MAGI1: variants seen among roughly 807,000 people sequenced by gnomAD.
The protein encoded by MAGI1 is membrane associated guanylate kinase, WW and PDZ domain containing 1, also known as membrane-associated guanylate kinase, WW and PDZ domain-containing protein 1.
In MAGI1, 58 loss-of-function variants were observed where a neutral mutation model predicts 139.9. The ratio of observed to expected loss-of-function variants is 0.41; its 90% CI spans 0.34 to 0.52. MAGI1 has a LOEUF of 0.52. MAGI1 is among the 20% of genes least tolerant of loss of function. The pLI is 0.12. For missense variants in MAGI1, 1,874 were observed against 1,901.6 expected (o/e 0.99, Z 0.27); for synonymous variants, 812 against 737.9 (o/e 1.10, Z -1.63).
intron 2 of MAGI1, among the ~76,000 whole-genome samples, chr3:65,507,757 T>C (rs2077359166): frequency 6.6e-6 from 1 of 152,240 alleles, no homozygotes; most frequent in Admixed American, 6.5e-5. Context: ...AATTACATTC[T>C]CACATTATGT....
intron 7 of MAGI1, 82 bp downstream of exon 7, chr3:65,447,940 T>G (rs1948774632): frequency 6.9e-7 from 1 of 1,448,718 alleles, no homozygotes; most frequent in African/African-American, 1.4e-5. Context: ...GAAACAGGGA[T>G]TAAGCAATTC....
At chr3:65,836,815 A>G (rs912389910) in intron 1 of MAGI1, among the ~76,000 whole-genome samples, 2 of 152,136 alleles carry the variant, frequency 1.3e-5, no homozygotes, top group Non-Finnish European at 2.9e-5. Flanking sequence ...AGAGAGAGAC[A>G]GAGAGAAAGA....
chr3:65,567,372 GA>G (rs199892809), intron 2 of MAGI1, among the ~76,000 whole-genome samples: 21 of 148,402 alleles, frequency 1.4e-4, no homozygotes, highest in South Asian at 4.3e-4. Context: ...CACTGACCAT[GA>G]AAAAAAAAAT....
At chr3:65,621,580 G>A (rs1006856927) in intron 2 of MAGI1, among the ~76,000 whole-genome samples, 1 of 152,178 alleles carries the variant, frequency 6.6e-6, no homozygotes, top group African/African-American at 2.4e-5. Context: ...AAGGCCGCTG[G>A]CCAGGTCTAC....
chr3:65,945,693 G>A (rs1459821478), intron 1 of MAGI1, among the ~76,000 whole-genome samples: 1 of 152,188 alleles, frequency 6.6e-6, no homozygotes. Flanking sequence ...TCTCACTTCC[G>A]ATTTCTGTAT....
At chr3:65,811,451 C>G (rs901898689) in intron 1 of MAGI1, among the ~76,000 whole-genome samples, 3 of 152,132 alleles carry the variant, frequency 2.0e-5, no homozygotes, top group Non-Finnish European at 1.5e-5. Context: ...CCCAGGCAGC[C>G]ATATTTGGAC....
intron 3 of MAGI1, among the ~76,000 whole-genome samples, chr3:65,485,696 G>C (rs1951579940): frequency 6.6e-6 from 1 of 152,144 alleles, no homozygotes; most frequent in African/African-American, 2.4e-5. Context: ...CACATATTAA[G>C]TGTCACTACG....
chr3:65,492,128 TAATA>T (rs974993192), intron 3 of MAGI1, among the ~76,000 whole-genome samples: 2 of 152,256 alleles, frequency 1.3e-5, no homozygotes, highest in African/African-American at 4.8e-5. Context: ...CGTGAATGCC[TAATA>T]AATCCAAATT....
chr3:65,671,120 G>A lies in MAGI1; in HGVS notation c.314-49032C>T, dbSNP rs553661619. Among the ~76,000 whole-genome samples the A allele has an allele frequency of 2.0e-5, 3 of 152,270 alleles. No individual in the cohort carries two copies. The South Asian group carries it at 6.2e-4, about 32-fold the overall frequency. The stretch of plus-strand genomic sequence containing the variant: ...CACCACAACCCTGTGAAGTAAAACT[G>A]TTAATATCCCCATTTTACAGATGAG... On this transcript the variant is annotated intron_variant, in intron 1 of 22. Coordinates refer to ENST00000402939, the MANE Select transcript of MAGI1 (RefSeq NM_001033057.2).
chr3:65,675,482 T>G (rs193229017), intron 1 of MAGI1, among the ~76,000 whole-genome samples: 2 of 151,946 alleles, frequency 1.3e-5, no homozygotes, highest in Non-Finnish European at 2.9e-5. Flanking sequence ...ACAGAAAAAA[T>G]TATTTATTAG....
intron 1 of MAGI1, among the ~76,000 whole-genome samples, chr3:65,840,869 A>G (rs2058780133): frequency 7.9e-5 from 12 of 152,184 alleles, no homozygotes; most frequent in Admixed American, 7.8e-4. Context: ...GTTGCTATTA[A>G]TTCTTTTTTA....
At chr3:65,702,609 C>A (rs750089167) in intron 1 of MAGI1, among the ~76,000 whole-genome samples, 1 of 152,136 alleles carries the variant, frequency 6.6e-6, no homozygotes, top group Non-Finnish European at 1.5e-5. Context: ...CTCTTCTACA[C>A]GCCTTTGCAT....
chr3:65,533,957 C>T (rs762991070), intron 2 of MAGI1, among the ~76,000 whole-genome samples: 27 of 152,244 alleles, frequency 1.8e-4, no homozygotes, highest in Middle Eastern at 3.4e-3. Flanking sequence ...AAAGCACAAG[C>T]ACTAGCTTAG....
chr3:65,619,977 T>C (rs2083579118), intron 2 of MAGI1: 4 of 985,406 alleles, frequency 4.1e-6, no homozygotes, highest in Non-Finnish European at 4.8e-6. Context: ...TTTTCCACTG[T>C]TTTTAAAAGA....
intron 5 of MAGI1, among the ~76,000 whole-genome samples, chr3:65,468,098 C>T (rs1950284544): frequency 6.6e-6 from 1 of 152,120 alleles, no homozygotes; most frequent in Admixed American, 6.5e-5. Context: ...GTATAGAAAG[C>T]TGAGATGCAA....
intron 1 of MAGI1, among the ~76,000 whole-genome samples, chr3:65,834,158 G>T (rs1259282459): frequency 6.6e-6 from 1 of 152,178 alleles, no homozygotes; most frequent in Admixed American, 6.5e-5. Context: ...AAAATAACAG[G>T]ACGGTATGAA....
intron 3 of MAGI1, among the ~76,000 whole-genome samples, chr3:65,484,615 C>G (rs928365926): frequency 6.6e-6 from 1 of 152,114 alleles, no homozygotes; most frequent in Non-Finnish European, 1.5e-5. Context: ...TGCCCACTCT[C>G]CAAGCACTTG....
At chr3:65,718,448 C>G (rs2032556252) in intron 1 of MAGI1, 1 of 152,174 alleles carries the variant, frequency 6.6e-6, no homozygotes, top group African/African-American at 2.4e-5. Context: ...TGCCCCAGTG[C>G]AAATCCTACA....
rs74869751 is a variant in MAGI1, at chr3:65,846,709, G to C, written c.313+191287C>G. Among the ~76,000 whole-genome samples the C allele has an allele frequency of 7.1e-3, 1,078 of 152,206 alleles. 8 individuals are homozygous for C. Among genetic ancestry groups the C allele is most frequent in the African/African-American group, 0.024 (1,017 of 41,526 alleles). On this transcript the variant is annotated intron_variant, in intron 1 of 22. Transcript: ENST00000402939. ...GCCACCACAGATGGCATTAACTGAA[G>C]GTCTGAGAGGTAAAGTAACTTACCC...
Sources: gnomAD v4.1 joint callset for allele counts (sites outside exome capture counted in the v4.1 genomes callset) on GRCh38, gnomAD v4.1.1 for gene constraint, MANE v1.5 for transcripts, NCBI Gene and HGNC (gene_info 2026-07-23, HGNC 2026-07-21) for gene names.